The following ANKRD36C variants were observed in gnomAD, a reference collection of about 807,000 sequenced individuals.
ANKRD36C encodes the protein ankyrin repeat domain-containing protein 36C.
A neutral mutation model predicts 276.4 loss-of-function variants in ANKRD36C; 61 were observed. The observed-to-expected ratio is 0.22, with a 90% CI of 0.18 to 0.27. The LOEUF (loss-of-function observed/expected upper bound fraction) is 0.27. Ranked by LOEUF, ANKRD36C falls within the 10% of genes least tolerant of loss-of-function variation. The probability of loss-of-function intolerance (pLI) is 1.00; values close to 1 mark genes in which losing one functional copy is unlikely to be tolerated. For missense variants in ANKRD36C, 1,447 were observed against 2,032.3 expected, an observed-to-expected ratio of 0.71 and a Z score of 5.54; for synonymous variants, 483 against 680.1, an observed-to-expected ratio of 0.71 and a Z score of 4.51.
chr2:95,967,651 G>A (rs1478865852), intron 6 of ANKRD36C, among the ~76,000 whole-genome samples: 1 of 151,658 alleles, frequency 6.6e-6, no homozygotes, highest in Non-Finnish European at 1.5e-5. Flanking sequence ...TATACTCGGT[G>A]TGTGTGTGTG....
intron 40 of ANKRD36C, 132 bp downstream of exon 42, chr2:95,913,976 T>G (rs1677011180): frequency 2.0e-6 from 2 of 1,010,608 alleles, no homozygotes; most frequent in South Asian, 1.5e-5. Context: ...AAGAACTTAT[T>G]TGAAATGAAG....
intron 3 of ANKRD36C, among the ~76,000 whole-genome samples, chr2:95,983,803 A>T (rs1309627463): frequency 6.6e-6 from 1 of 150,966 alleles, no homozygotes; most frequent in Non-Finnish European, 1.5e-5. Flanking sequence ...TTTGTAGTAG[A>T]GAGGGGGTTT....
chr2:95,945,088 T>A lies in ANKRD36C; in HGVS notation c.1423+26A>T, dbSNP rs11893977. 4.0e-6 allele frequency: 6 copies of A among 1,517,384 alleles called. No individual in the cohort carries two copies. The African/African-American group carries it at 4.1e-5, about 10-fold the overall frequency. 94.0% of individuals were successfully genotyped at this position (1,517,384 alleles called of 1,614,324 possible). A position where few individuals can be genotyped will look rare whatever the true frequency, so the allele number is the denominator to read the frequency against. On this transcript the variant is annotated intron_variant, in intron 18 of 66. Transcript: ENST00000456556. ...GAAAAAAAAGAATCAGTAGATAATA[T>A]AATAGTCAGGTTTCAAATAGCTTAC...
chr2:95,938,007 G>A (rs1359949731), intron 22 of ANKRD36C, among the ~76,000 whole-genome samples: 1 of 151,988 alleles, frequency 6.6e-6, no homozygotes, highest in African/African-American at 2.4e-5. Flanking sequence ...TGACCAAACT[G>A]TGTCAACCTG....
chr2:95,861,482 GA>G (rs1675581273), intron 60 of ANKRD36C, among the ~76,000 whole-genome samples: 1 of 151,264 alleles, frequency 6.6e-6, no homozygotes, highest in African/African-American at 2.4e-5. Context: ...AGAAAAAAAT[GA>G]AAATGTATCA....
chr2:95,908,149 G>A lies in ANKRD36C; in HGVS notation c.2653+4095C>T, dbSNP rs1254177605. ...GCTTTCTGTCTTTTCTTGGCAGTACGATCTGAAGTGTGTAAATTCTATACT... is the reference window on the plus strand; with the variant it reads ...GCTTTCTGTCTTTTCTTGGCAGTACAATCTGAAGTGTGTAAATTCTATACT... On this transcript the variant is annotated intron_variant, in intron 42 of 66. Transcript: ENST00000456556. Among the ~76,000 whole-genome samples, 4 of 149,902 alleles carry A rather than the reference G, an allele frequency of 2.7e-5. No individual in the cohort carries two copies. The South Asian group carries it at 6.4e-4, about 24-fold the overall frequency.
At position 95,919,441 on chromosome 2, in the gene ANKRD36C, T is replaced by A. The variant is rs564377472; in HGVS notation, c.2246-1399A>T. 1.6e-4 allele frequency among the ~76,000 whole-genome samples: 22 copies of A among 133,768 alleles called. 3 individuals are homozygous for A. The highest frequency in any genetic ancestry group is 1.4e-3 in the South Asian group (6 of 4,312). The allele number at this position is 133,768 out of a possible 152,430, so 87.8% of individuals were successfully genotyped here. ...TAGTGAAACCATGCTGTAGAATTAATGCAAAACTATGCTGTTCCCCAGAAC... is the reference window on the plus strand; with the variant it reads ...TAGTGAAACCATGCTGTAGAATTAAAGCAAAACTATGCTGTTCCCCAGAAC... On this transcript the variant is annotated intron_variant, in intron 34 of 66. Coordinates refer to ENST00000456556, the Ensembl canonical transcript of ANKRD36C.
exon 32 of ANKRD36C, chr2:95,923,546 A>G (rs1677330471): frequency 6.2e-7 from 1 of 1,610,946 alleles, no homozygotes; most frequent in Non-Finnish European, 8.5e-7. Context: ...TTCAAAGCAG[A>G]ATCTGTCTTG....
intron 58 of ANKRD36C, 124 bp downstream of exon 78, chr2:95,880,303 T>G: frequency 9.1e-7 from 1 of 1,096,722 alleles, no homozygotes; most frequent in Non-Finnish European, 1.3e-6. Flanking sequence ...AACAGCTGCA[T>G]TATTTAGATG....
At chr2:95,851,819 A>G in intron 65 of ANKRD36C, 32 bp from the exon 86 acceptor site, 1 of 1,514,648 alleles carries the variant, frequency 6.6e-7, no homozygotes, top group Admixed American at 2.1e-5. Flanking sequence ...AATTACTCTC[A>G]CACATAATTG....
chr2:95,946,801 C>T (rs1305491010), intron 17 of ANKRD36C, among the ~76,000 whole-genome samples: 3 of 151,542 alleles, frequency 2.0e-5, no homozygotes, highest in African/African-American at 4.9e-5. Flanking sequence ...AGTAAACTAT[C>T]GCAAGAACAA....
chr2:95,882,592 G>A (rs1228822087), intron 54 of ANKRD36C, 95 bp from the exon 75 acceptor site: 23 of 1,412,566 alleles, frequency 1.6e-5, no homozygotes, highest in East Asian at 2.5e-5. Flanking sequence ...GTATCCTCCT[G>A]CCTGTACTAG....
At chr2:95,856,139 G>A in exon 63 of ANKRD36C, 3 of 1,607,434 alleles carry the variant, frequency 1.9e-6, no homozygotes, top group Non-Finnish European at 2.5e-6. Context: ...GCATCAAGCG[G>A]TTTTCATGCA....
chr2:95,923,748 C>T, intron 30 of ANKRD36C, 59 bp from the exon 31 acceptor site: 1 of 1,595,026 alleles, frequency 6.3e-7, no homozygotes, highest in Non-Finnish European at 8.6e-7. Flanking sequence ...GTTATCTATA[C>T]ATTCATGAAG....
chr2:95,850,935 A>G (rs1390825327), downstream of ANKRD36C, among the ~76,000 whole-genome samples: 3 of 152,220 alleles, frequency 2.0e-5, no homozygotes, highest in Non-Finnish European at 4.4e-5. Context: ...AGGGATACAC[A>G]GACTTCTTGC....
chr2:95,867,772 G>C (rs1266279336), intron 59 of ANKRD36C, among the ~76,000 whole-genome samples, 191 bp from the exon 80 acceptor site: 1 of 150,676 alleles, frequency 6.6e-6, no homozygotes, highest in Non-Finnish European at 1.5e-5. Flanking sequence ...GGATAAATTA[G>C]TTTCCCAGTT....
At chr2:95,946,581 T>G (rs1281571653) in intron 17 of ANKRD36C, among the ~76,000 whole-genome samples, 1 of 145,262 alleles carries the variant, frequency 6.9e-6, no homozygotes, top group Non-Finnish European at 1.5e-5. Context: ...GGACTATAAA[T>G]CATGCTGCTA....
intron 44 of ANKRD36C, chr2:95,893,599 C>A (rs768727001): frequency 5.7e-6 from 9 of 1,581,616 alleles, no homozygotes; most frequent in Non-Finnish European, 7.7e-6. Context: ...TCCTCGTCAC[C>A]TGTAGCCTGA....
rs1298982177 is a variant in ANKRD36C, at chr2:95,920,174, G to A, written c.2245+1433C>T. ...ATACGTCAAAAACTAAAATAAAACCGTGTCAATATCAACGTGGATATGCCG... is the reference window on the plus strand; with the variant it reads ...ATACGTCAAAAACTAAAATAAAACCATGTCAATATCAACGTGGATATGCCG... On this transcript the variant is annotated intron_variant, in intron 34 of 66. Coordinates refer to ENST00000456556, the Ensembl canonical transcript of ANKRD36C. Among the ~76,000 whole-genome samples the A allele has an allele frequency of 5.3e-5, 7 of 132,178 alleles. 1 individual carries two copies. In the East Asian group the frequency reaches 8.2e-4, roughly 15 times the overall value. The allele number at this position is 132,178 out of a possible 152,430, so 86.7% of individuals were successfully genotyped here.
Sources: gnomAD v4.1 joint callset for allele counts (sites outside exome capture counted in the v4.1 genomes callset) on GRCh38, gnomAD v4.1.1 for gene constraint, MANE v1.5 for transcripts, NCBI Gene and HGNC (gene_info 2026-07-23, HGNC 2026-07-21) for gene names.